The following CLPSL1 variants were observed in gnomAD, a reference collection of about 807,000 sequenced individuals.
CLPSL1 encodes colipase like 1.
Under a neutral mutation model 9.3 loss-of-function variants are expected in CLPSL1, and 13 were observed. That is an observed-to-expected ratio of 1.40 (90% CI 0.91 to 2.22). The LOEUF is 2.22. CLPSL1 is among the 30% of genes most tolerant of loss of function. The probability of loss-of-function intolerance (pLI) is 0.00; values close to 1 mark genes in which losing one functional copy is unlikely to be tolerated. For synonymous variants in CLPSL1, 58 were observed against 56.9 expected (o/e 1.02, Z -0.08); for missense variants, 164 against 146.6 (o/e 1.12, Z -0.61).
chr6:35,786,976 G>T (rs759176979), intron 1 of CLPSL1, 22 bp from the exon 2 acceptor site: 90 of 1,561,700 alleles, frequency 5.8e-5, no homozygotes, highest in Non-Finnish European at 6.8e-5. Context: ...GGAGCCTGGC[G>T]GTGCCGTGTC....
chr6:35,785,362 A>G (rs1768048546), intron 1 of CLPSL1, among the ~76,000 whole-genome samples: 1 of 151,910 alleles, frequency 6.6e-6, no homozygotes, highest in East Asian at 1.9e-4. Context: ...TATTTTTAGT[A>G]GAGACGGGGT....
At chr6:35,788,994 T>A (rs527897443), downstream of CLPSL1, among the ~76,000 whole-genome samples, 1 of 152,388 alleles carries the variant, frequency 6.6e-6, no homozygotes, top group African/African-American at 2.4e-5. Context: ...CTGGGGAGTT[T>A]GGAGGTAAAC....
chr6:35,785,823 G>A (rs1371829783), intron 1 of CLPSL1, among the ~76,000 whole-genome samples: 1 of 151,956 alleles, frequency 6.6e-6, no homozygotes, highest in African/African-American at 2.4e-5. Context: ...GGTGGTGTGT[G>A]CCTGTGGTCC....
At position 35,781,040 on chromosome 6, in the gene CLPSL1, G is replaced by A. The variant is rs2151059101; in HGVS notation, c.-71G>A. Reference sequence around the variant, plus strand: ...TTTTACATGGTGTTCCCACAGCTGGGAGGACACCCACATGGTCGGCGTGCA... The same window carrying A: ...TTTTACATGGTGTTCCCACAGCTGGAAGGACACCCACATGGTCGGCGTGCA... On this transcript the variant is annotated 5_prime_UTR_variant, in exon 1 of 3. Transcript: ENST00000373861. 6.3e-7 allele frequency: 1 copy of A among 1,590,514 alleles called. No individual in the cohort carries two copies. The highest frequency in any genetic ancestry group is 2.2e-5 in the East Asian group (1 of 44,618).
At chr6:35,788,274 T>G, downstream of CLPSL1, 1 of 460,218 alleles carries the variant, frequency 2.2e-6, no homozygotes, top group South Asian at 2.0e-5. Flanking sequence ...ACTTGGGGTC[T>G]TTCCCCAGTT....
chr6:35,793,730 G>T (rs1768270164), downstream of CLPSL1: 1 of 383,486 alleles, frequency 2.6e-6, no homozygotes, highest in East Asian at 7.4e-5. Flanking sequence ...TCATAAGCCT[G>T]TGGTTACAGG....
downstream of CLPSL1, among the ~76,000 whole-genome samples, chr6:35,791,437 C>T (rs1246162426): frequency 8.5e-5 from 13 of 152,114 alleles, no homozygotes; most frequent in East Asian, 3.9e-4. Flanking sequence ...GGTGAAACCC[C>T]GTCTCTACTA....
intron 1 of CLPSL1, among the ~76,000 whole-genome samples, chr6:35,782,862 G>A (rs775753084): frequency 3.3e-5 from 5 of 152,160 alleles, no homozygotes; most frequent in Non-Finnish European, 7.3e-5. Context: ...CCGGGAGGCG[G>A]CTATAGCCAA....
chr6:35,781,728 GT>G (rs36009111), intron 1 of CLPSL1, among the ~76,000 whole-genome samples: 13,544 of 141,004 alleles, frequency 0.096, 1,515 homozygotes, highest in African/African-American at 0.28. Context: ...GTTTGCAGGT[GT>G]TTTTTTTTTT....
downstream of CLPSL1, among the ~76,000 whole-genome samples, chr6:35,789,294 G>C (rs1768146296): frequency 6.6e-6 from 1 of 152,256 alleles, no homozygotes; most frequent in African/African-American, 2.4e-5. Context: ...ACCCAAGCCT[G>C]TACAGCCAAT....
In CLPSL1 at chr6:35,781,109, C is replaced by T. The variant is rs1413015700; in HGVS notation, c.-2C>T. 1 of 1,613,742 alleles carries T rather than the reference C, an allele frequency of 6.2e-7. No individual in the cohort carries two copies. Among genetic ancestry groups the T allele is most frequent in the Non-Finnish European group, 8.5e-7 (1 of 1,179,766 alleles). On this transcript the variant is annotated 5_prime_UTR_variant, in exon 1 of 3. Coordinates refer to ENST00000373861, the MANE Select transcript of CLPSL1 (RefSeq NM_001010886.5). Reference sequence around the variant, plus strand: ...TAGAAAAGCCACCACGACCTGTGGGCCATGATGCTACCCCAATGGCTGCTG... The same window carrying T: ...TAGAAAAGCCACCACGACCTGTGGGTCATGATGCTACCCCAATGGCTGCTG...
chr6:35,787,990 G>T lies in CLPSL1; in HGVS notation c.346G>T (p.Ala116Ser), dbSNP rs372544403. The change falls in exon 3 of 3, where the codon GCT (alanine) becomes TCT (serine). Residue 116 changes from alanine to serine, a missense_variant. By Grantham distance (99) the Ala-to-Ser change is moderately conservative (BLOSUM62 1). Coordinates refer to ENST00000373861, the MANE Select transcript of CLPSL1 (RefSeq NM_001010886.5). ...TCAGAAAATTGGAAGGCAGAAGTTG[G>T]CTAAGAAAATGTTCTTCTAGTGCTC... ...RCQKIGRQKL[A>S]KKMFF The T allele has an allele frequency of 5.4e-5, 87 of 1,613,212 alleles. No individual in the cohort carries two copies. Among genetic ancestry groups the T allele is most frequent in the Non-Finnish European group, 1.3e-5 (15 of 1,179,278 alleles).
rs1231848794 is a variant in CLPSL1, at chr6:35,787,023, A to G, written c.125A>G (p.Asn42Ser). Residue 42 changes from asparagine (N) to serine (S), a missense_variant, in exon 2 of 3, where the codon AAC becomes AGC. Coordinates refer to ENST00000373861, the MANE Select transcript of CLPSL1 (RefSeq NM_001010886.5). ...GAGCTCAAGGAGTCTTGCATCCGGA[A>G]CCAGGACTGCGAGACTGGCTGCTGC... ...LLELKESCIR[N>S]QDCETGCCQR... is the part of the protein sequence containing the mutation. 2 of 1,589,664 alleles carry G rather than the reference A, an allele frequency of 1.3e-6. No homozygotes were observed. Among genetic ancestry groups the G allele is most frequent in the Non-Finnish European group, 8.5e-7 (1 of 1,170,104 alleles).
downstream of CLPSL1, among the ~76,000 whole-genome samples, chr6:35,788,556 C>T (rs893180894): frequency 1.3e-5 from 2 of 152,100 alleles, no homozygotes; most frequent in Non-Finnish European, 2.9e-5. Context: ...CTGCAACAAA[C>T]CTGTGGGGTC....
At position 35,788,102 on chromosome 6, in the gene CLPSL1, A is replaced by G. The variant is rs775803654; in HGVS notation, c.*92A>G. Reference sequence around the variant, plus strand: ...CACCCTGTTCCCCAGAGCCTCCACCATGAGTGGAGGGAAGTGGGGAGTGAT... The same window carrying G: ...CACCCTGTTCCCCAGAGCCTCCACCGTGAGTGGAGGGAAGTGGGGAGTGAT... On this transcript the variant is annotated 3_prime_UTR_variant, in exon 3 of 3. Coordinates refer to ENST00000373861, the MANE Select transcript of CLPSL1 (RefSeq NM_001010886.5). The G allele has an allele frequency of 9.3e-6, 8 of 860,090 alleles. No individual in the cohort carries two copies. Among genetic ancestry groups the G allele is most frequent in the Non-Finnish European group, 1.4e-5 (8 of 553,568 alleles). The allele number at this position is 860,090 out of a possible 1,614,324, so 53.3% of individuals were successfully genotyped here. A position where few individuals can be genotyped will look rare whatever the true frequency, so the allele number is the denominator to read the frequency against.
At chr6:35,786,682 C>T (rs575982551) in intron 1 of CLPSL1, among the ~76,000 whole-genome samples, 1 of 152,214 alleles carries the variant, frequency 6.6e-6, no homozygotes, top group African/African-American at 2.4e-5. Context: ...AGTTTTGGGG[C>T]GAGAAGGCTC....
downstream of CLPSL1, among the ~76,000 whole-genome samples, chr6:35,792,721 A>G (rs1455283528): frequency 6.6e-6 from 1 of 152,274 alleles, no homozygotes; most frequent in Non-Finnish European, 1.5e-5. Flanking sequence ...CATTTTCCTT[A>G]TGCCCCCCAC....
intron 1 of CLPSL1, among the ~76,000 whole-genome samples, chr6:35,786,789 T>C (rs1227955991): frequency 6.6e-6 from 1 of 152,262 alleles, no homozygotes; most frequent in Non-Finnish European, 1.5e-5. Flanking sequence ...GAGTAAACCT[T>C]TTAAAAACTG....
downstream of CLPSL1, among the ~76,000 whole-genome samples, chr6:35,791,044 C>CAAA (rs61127901): frequency 5.0e-4 from 57 of 114,772 alleles, no homozygotes; most frequent in African/African-American, 1.4e-3. Context: ...GACTCTGTCT[C>CAAA]AAAAAAAAAA....
Sources: gnomAD v4.1 joint callset for allele counts (sites outside exome capture counted in the v4.1 genomes callset) on GRCh38, gnomAD v4.1.1 for gene constraint, MANE v1.5 for transcripts, NCBI Gene and HGNC (gene_info 2026-07-23, HGNC 2026-07-21) for gene names.